Variants in SP3 observed in about 807,000 individuals in gnomAD.
The protein encoded by SP3 is Sp3 transcription factor.
SP3 carries 10 observed loss-of-function variants against 70.3 expected under a neutral mutation model. The observed-to-expected ratio is 0.14, with a 90% CI of 0.09 to 0.24. The LOEUF (loss-of-function observed/expected upper bound fraction) is 0.24, where lower values mean the gene tolerates loss of function less well. Ranked by LOEUF, SP3 falls within the 10% of genes least tolerant of loss-of-function variation. SP3 has a pLI of 1.00. For missense variants in SP3, 825 were observed against 914.6 expected, an observed-to-expected ratio of 0.90 and a Z score of 1.26; for synonymous variants, 402 against 333.5, an observed-to-expected ratio of 1.21 and a Z score of -2.24.
chr2:173,915,152 CAAG>C (rs1689589949), intron 5 of SP3: 1 of 151,872 alleles, frequency 6.6e-6, no homozygotes, highest in Non-Finnish European at 1.5e-5. Flanking sequence ...CTCAAAGAAG[CAAG>C]AAGCTAGGGA....
intron 4 of SP3, among the ~76,000 whole-genome samples, chr2:173,920,053 T>C (rs1481255784): frequency 6.6e-6 from 1 of 151,966 alleles, no homozygotes; most frequent in Non-Finnish European, 1.5e-5. Flanking sequence ...GCAACAGAAA[T>C]GAATCTCTCA....
chr2:173,943,016 A>C (rs1469240444), intron 4 of SP3, among the ~76,000 whole-genome samples: 1 of 152,198 alleles, frequency 6.6e-6, no homozygotes, highest in Non-Finnish European at 1.5e-5. Context: ...ACAAGAGACT[A>C]GAGCATCTGG....
chr2:173,904,750 G>A lies in SP3; in HGVS notation c.*5191C>T, dbSNP rs1043920687. Among the ~76,000 whole-genome samples, 1 of 152,250 alleles carries A rather than the reference G, an allele frequency of 6.6e-6. No individual in the cohort carries two copies. Among genetic ancestry groups the A allele is most frequent in the Non-Finnish European group, 1.5e-5 (1 of 68,046 alleles). ...GGAAGGTGGCAGAAAGTAATGCTCA[G>A]AGAAGGGATGTAAGTCGGACAGATA... On this transcript the variant is annotated 3_prime_UTR_variant, in exon 7 of 7. Coordinates refer to ENST00000310015, the MANE Select transcript of SP3 (RefSeq NM_003111.5).
At chr2:173,948,200 T>C (rs563770859) in intron 4 of SP3, among the ~76,000 whole-genome samples, 70 of 152,340 alleles carry the variant, frequency 4.6e-4, no homozygotes, top group African/African-American at 1.6e-3. Flanking sequence ...TTAGCAAGTA[T>C]AGGAAGTCCT....
intron 4 of SP3, among the ~76,000 whole-genome samples, chr2:173,944,581 C>T (rs528371702): frequency 6.6e-6 from 1 of 152,236 alleles, no homozygotes; most frequent in East Asian, 1.9e-4. Flanking sequence ...AATGATGAGG[C>T]AGTTTAGAGA....
Position 173,956,229 on chromosome 2 carries a change from C to G in SP3, c.283G>C (p.Gly95Arg). Residue 95 changes from glycine to arginine, a missense_variant, in exon 4 of 7, where the codon GGT (glycine) becomes CGT (arginine). Coordinates refer to ENST00000310015, the MANE Select transcript of SP3 (RefSeq NM_003111.5). ...CCTAACTGTGCAGAAGCCAAATCAC[C>G]TGTCTGGATGAAGAAAACAAAAAGG... ...AGAPAAAGATGDLASAQLGGA... is the reference protein window; with the variant it reads ...AGAPAAAGATRDLASAQLGGA... 1 of 1,585,564 alleles carries G rather than the reference C, an allele frequency of 6.3e-7. No homozygotes were observed. The highest frequency in any genetic ancestry group is 8.6e-7 in the Non-Finnish European group (1 of 1,165,168).
chr2:173,945,507 T>C (rs1574417333), intron 4 of SP3, among the ~76,000 whole-genome samples: 2 of 152,230 alleles, frequency 1.3e-5, no homozygotes, highest in East Asian at 3.9e-4. Flanking sequence ...ATAAAGACAT[T>C]TACAACATCT....
At position 173,955,016 on chromosome 2, in the gene SP3, T is replaced by G. The variant is rs1338908798; in HGVS notation, c.1496A>C (p.Gln499Pro). ...AGTGAAGGCTCCACCTGCCGCAACT[T>G]GACCAAGTGTGAGGGTTTGAACAGG... ...LTPVQTLTLG[Q>P]VAAGGAFTST... Residue 499 changes from glutamine to proline, a missense_variant, in exon 4 of 7, where the codon CAA becomes CCA. This residue lies in a region of SP3 where 678 missense variants were observed against 651.6 expected (regional missense o/e 1.04). Transcript: ENST00000310015. 6.2e-7 allele frequency: 1 copy of G among 1,614,210 alleles called. No homozygotes were observed. The highest frequency in any genetic ancestry group is 2.2e-5 in the East Asian group (1 of 44,888).
intron 4 of SP3, among the ~76,000 whole-genome samples, chr2:173,924,131 T>A (rs967738122): frequency 6.6e-5 from 10 of 152,174 alleles, no homozygotes; most frequent in African/African-American, 2.4e-4. Context: ...CCATCTCTGC[T>A]TTAACATCAA....
intron 3 of SP3, among the ~76,000 whole-genome samples, chr2:173,961,097 G>A (rs1459240702): frequency 6.6e-6 from 1 of 152,086 alleles, no homozygotes; most frequent in Non-Finnish European, 1.5e-5. Flanking sequence ...TTGCACAAAG[G>A]TCTACTTTTT....
intron 3 of SP3, among the ~76,000 whole-genome samples, chr2:173,959,309 C>A (rs1396978730): frequency 3.3e-5 from 5 of 149,916 alleles, no homozygotes; most frequent in Non-Finnish European, 7.4e-5. Context: ...ACACTAAATA[C>A]CAAATGGGAG....
At chr2:173,943,831 G>A (rs1690449885) in intron 4 of SP3, among the ~76,000 whole-genome samples, 1 of 152,112 alleles carries the variant, frequency 6.6e-6, no homozygotes, top group Admixed American at 6.6e-5. Context: ...ATCATTAGGC[G>A]ATTTCATCAC....
intron 3 of SP3, among the ~76,000 whole-genome samples, chr2:173,958,122 A>T (rs1690952261): frequency 1.3e-5 from 2 of 152,000 alleles, no homozygotes; most frequent in Admixed American, 1.3e-4. Context: ...ATCCACTGAA[A>T]TTTTTTCTGA....
intron 4 of SP3, among the ~76,000 whole-genome samples, chr2:173,928,736 AAT>A (rs1354264530): frequency 6.6e-6 from 1 of 152,130 alleles, no homozygotes; most frequent in Non-Finnish European, 1.5e-5. Flanking sequence ...TTACCTATAT[AAT>A]TAGAGGACCC....
intron 4 of SP3, among the ~76,000 whole-genome samples, chr2:173,937,568 T>G (rs72911183): frequency 6.6e-6 from 1 of 151,970 alleles, no homozygotes; most frequent in African/African-American, 2.4e-5. Flanking sequence ...TTAAATTTCT[T>G]GAAAAAAAAT....
chr2:173,951,006 G>T (rs1690695794), intron 4 of SP3, among the ~76,000 whole-genome samples: 2 of 151,920 alleles, frequency 1.3e-5, no homozygotes, highest in South Asian at 4.2e-4. Flanking sequence ...TACCCTTCCT[G>T]GGCAACATTC....
intron 3 of SP3, among the ~76,000 whole-genome samples, chr2:173,958,423 T>C (rs1690961424): frequency 2.0e-5 from 3 of 151,984 alleles, no homozygotes; most frequent in African/African-American, 4.8e-5. Context: ...CTCCAGAAGC[T>C]AGATAAAAAT....
At chr2:173,911,600 C>T (rs751461425) in intron 6 of SP3, among the ~76,000 whole-genome samples, 49 of 152,210 alleles carry the variant, frequency 3.2e-4, no homozygotes, top group Non-Finnish European at 6.2e-4. Flanking sequence ...CCCTCTTTGG[C>T]CCACTATTTC....
chr2:173,918,623 G>A lies in SP3; in HGVS notation c.1802C>T (p.Thr601Ile). The change falls in exon 5 of 7, where the codon ACC becomes ATC. Residue 601 changes from threonine (T) to isoleucine (I), a missense_variant. Coordinates refer to ENST00000310015, the MANE Select transcript of SP3 (RefSeq NM_003111.5). ...EGKRLRRVAC[T>I]CPNCKEGGGR... The stretch of plus-strand genomic sequence containing the variant: ...ACCACCTTCTTTACAGTTGGGACAG[G>A]TGCAAGCTACCCTCCGAAGTCTTTT... The A allele has an allele frequency of 6.2e-7, 1 of 1,613,518 alleles. No individual in the cohort carries two copies. Among genetic ancestry groups the A allele is most frequent in the Non-Finnish European group, 8.5e-7 (1 of 1,179,628 alleles).
Sources: gnomAD v4.1 joint callset for allele counts (sites outside exome capture counted in the v4.1 genomes callset) on GRCh38, gnomAD v4.1.1 for gene constraint, gnomAD v4.1.1 regional missense constraint, MANE v1.5 for transcripts, NCBI Gene and HGNC (gene_info 2026-07-23, HGNC 2026-07-21) for gene names.